ARHGEF28: variants seen among roughly 807,000 people sequenced by gnomAD.
ARHGEF28 encodes 190 kDa guanine nucleotide exchange factor.
Under a neutral mutation model 206.6 loss-of-function variants are expected in ARHGEF28, and 152 were observed. The observed-to-expected ratio is 0.74, with a 90% CI of 0.64 to 0.84. The LOEUF (loss-of-function observed/expected upper bound fraction) is 0.84. Among genes scored for constraint, ARHGEF28 ranks in the 40% least tolerant of loss-of-function variants. ARHGEF28 has a pLI of 0.00. For missense variants in ARHGEF28, 2,028 were observed against 2,073.2 expected (o/e 0.98, Z 0.42); for synonymous variants, 763 against 776.4 (o/e 0.98, Z 0.29).
chr5:73,723,050 T>C (rs926090574), intron 2 of ARHGEF28, among the ~76,000 whole-genome samples: 2 of 152,272 alleles, frequency 1.3e-5, no homozygotes, highest in African/African-American at 4.8e-5. Flanking sequence ...AATAAAGTTT[T>C]ACATTATTTT....
chr5:73,661,383 A>G lies in ARHGEF28; in HGVS notation c.-11-23458A>G, dbSNP rs1018057524. The stretch of plus-strand genomic sequence containing the variant: ...TTGATCTTCTATCCACACCACTCAA[A>G]CTTTCTCCGTATCAGCAATAAGGCT... On this transcript the variant is annotated intron_variant, in intron 1 of 35. Transcript: ENST00000513042. Among the ~76,000 whole-genome samples the G allele has an allele frequency of 2.0e-5, 3 of 151,872 alleles. No individual in the cohort carries two copies. The South Asian group carries it at 6.3e-4, about 32-fold the overall frequency.
At chr5:73,698,536 C>G (rs75821962) in intron 2 of ARHGEF28, among the ~76,000 whole-genome samples, 2 of 151,938 alleles carry the variant, frequency 1.3e-5, no homozygotes, top group African/African-American at 4.8e-5. Flanking sequence ...CATTGAAAGA[C>G]GTCTTTGGGA....
Position 73,754,658 on chromosome 5 carries a change from G to C in ARHGEF28, c.475+1456G>C, listed in dbSNP as rs545596258. Among the ~76,000 whole-genome samples, 501 of 152,050 alleles carry C rather than the reference G, an allele frequency of 3.3e-3. 5 individuals are homozygous for C. Among genetic ancestry groups the C allele is most frequent in the Non-Finnish European group, 2.5e-3 (173 of 67,962 alleles). On this transcript the variant is annotated intron_variant, in intron 4 of 35. Coordinates refer to ENST00000513042, the MANE Select transcript of ARHGEF28 (RefSeq NM_001177693.2). The stretch of plus-strand genomic sequence containing the variant: ...AAGTATTTAATAAAGTAAATGTGCT[G>C]CACATTTTAAATTTCTACAATGAGT...
intron 1 of ARHGEF28, among the ~76,000 whole-genome samples, chr5:73,642,472 C>T (rs964178256): frequency 6.6e-5 from 10 of 152,134 alleles, no homozygotes; most frequent in African/African-American, 2.4e-4. Context: ...GAATTCTGAC[C>T]TCTCGATACC....
At chr5:73,698,676 A>G (rs904510634) in intron 2 of ARHGEF28, among the ~76,000 whole-genome samples, 2 of 151,978 alleles carry the variant, frequency 1.3e-5, no homozygotes, top group African/African-American at 4.8e-5. Context: ...ATCATTACAG[A>G]AAGTGATTAT....
intron 14 of ARHGEF28, among the ~76,000 whole-genome samples, chr5:73,853,313 G>A (rs954398084): frequency 2.0e-5 from 3 of 152,222 alleles, no homozygotes; most frequent in African/African-American, 7.2e-5. Context: ...CTGCCCATGA[G>A]TCACACTGTG....
At chr5:73,872,914 A>G in intron 21 of ARHGEF28, 85 bp from the exon 22 acceptor site, 1 of 1,452,026 alleles carries the variant, frequency 6.9e-7, no homozygotes, top group Non-Finnish European at 9.4e-7. Context: ...TGCGTAACAT[A>G]TAGTGTTGAG....
intron 31 of ARHGEF28, chr5:73,903,236 G>A: frequency 6.6e-6 from 1 of 152,214 alleles, no homozygotes; most frequent in East Asian, 1.9e-4. Context: ...AAAATTAGAT[G>A]AGACAGTAGG....
At chr5:73,919,214 G>T (rs1450357630) in intron 35 of ARHGEF28, among the ~76,000 whole-genome samples, 2 of 152,192 alleles carry the variant, frequency 1.3e-5, no homozygotes, top group African/African-American at 4.8e-5. Context: ...CCAACAAAGT[G>T]AAAGTGTTTC....
intron 33 of ARHGEF28, 141 bp downstream of exon 33, chr5:73,904,546 G>A: frequency 2.3e-6 from 2 of 884,754 alleles, no homozygotes; most frequent in Non-Finnish European, 3.4e-6. Context: ...TAAGTGTGAT[G>A]TGTTGGACTC....
At chr5:73,722,692 G>T (rs1750033885) in intron 2 of ARHGEF28, among the ~76,000 whole-genome samples, 1 of 152,162 alleles carries the variant, frequency 6.6e-6, no homozygotes, top group African/African-American at 2.4e-5. Context: ...GAAAATCCCT[G>T]ATGAGAAACA....
intron 9 of ARHGEF28, among the ~76,000 whole-genome samples, chr5:73,817,592 A>G (rs1026399260): frequency 6.6e-6 from 1 of 152,222 alleles, no homozygotes; most frequent in South Asian, 2.1e-4. Context: ...GGGATGAAAG[A>G]ATGACATATG....
At chr5:73,813,371 C>A (rs1260619579) in intron 9 of ARHGEF28, 3 of 898,954 alleles carry the variant, frequency 3.3e-6, no homozygotes, top group East Asian at 3.1e-5. Flanking sequence ...CCTAGTTTGG[C>A]TTTAATATTT....
At chr5:73,766,045 G>A (rs1414311980) in intron 4 of ARHGEF28, among the ~76,000 whole-genome samples, 2 of 151,524 alleles carry the variant, frequency 1.3e-5, no homozygotes, top group Admixed American at 6.6e-5. Context: ...CCAGCTACTC[G>A]GGAGCCTGAG....
At chr5:73,662,382 C>T (rs1745666084) in intron 1 of ARHGEF28, among the ~76,000 whole-genome samples, 1 of 152,116 alleles carries the variant, frequency 6.6e-6, no homozygotes, top group South Asian at 2.1e-4. Context: ...AAGGAAAAAG[C>T]CCAAGTTCTT....
At chr5:73,652,844 C>T (rs955229262) in intron 1 of ARHGEF28, among the ~76,000 whole-genome samples, 4 of 152,142 alleles carry the variant, frequency 2.6e-5, no homozygotes, top group Admixed American at 6.5e-5. Context: ...CTCTCAGTAT[C>T]ACACAGTTAG....
chr5:73,685,204 T>A (rs1747379675), intron 2 of ARHGEF28, among the ~76,000 whole-genome samples: 1 of 152,202 alleles, frequency 6.6e-6, no homozygotes, highest in African/African-American at 2.4e-5. Flanking sequence ...GTCAAGAACT[T>A]TTCTATGTGT....
intron 2 of ARHGEF28, among the ~76,000 whole-genome samples, chr5:73,720,618 C>T (rs1749884111): frequency 6.6e-6 from 1 of 152,086 alleles, no homozygotes; most frequent in Non-Finnish European, 1.5e-5. Flanking sequence ...GAAGGAGGCT[C>T]ACAGATGGTG....
chr5:73,911,085 A>C (rs1447364136), intron 34 of ARHGEF28, among the ~76,000 whole-genome samples, 190 bp from the exon 35 acceptor site: 1 of 152,228 alleles, frequency 6.6e-6, no homozygotes, highest in African/African-American at 2.4e-5. Flanking sequence ...TATGCCATGC[A>C]TAGCAAATTG....
Sources: allele counts gnomAD v4.1 joint callset (sites outside exome capture counted in the v4.1 genomes callset), GRCh38; gene constraint gnomAD v4.1.1; transcripts MANE v1.5; gene names NCBI Gene and HGNC (gene_info 2026-07-23, HGNC 2026-07-21).